TRIM44: variants seen among roughly 807,000 people sequenced by gnomAD.
TRIM44 encodes the protein tripartite motif-containing protein 44.
A neutral mutation model predicts 37.4 loss-of-function variants in TRIM44; 13 were observed. The ratio of observed to expected loss-of-function variants is 0.35; its 90% CI spans 0.23 to 0.55. The LOEUF (loss-of-function observed/expected upper bound fraction) is 0.55, where lower values mean the gene tolerates loss of function less well. Among genes scored for constraint, TRIM44 ranks in the 20% least tolerant of loss-of-function variants. The probability of loss-of-function intolerance (pLI) is 0.89; values close to 1 mark genes in which losing one functional copy is unlikely to be tolerated. For synonymous variants in TRIM44, 175 were observed against 157.2 expected (o/e 1.11, Z -0.85); for missense variants, 426 against 437.2 (o/e 0.97, Z 0.23).
intron 2 of TRIM44, among the ~76,000 whole-genome samples, chr11:35,691,474 T>C (rs2135494083): frequency 6.6e-6 from 1 of 152,320 alleles, no homozygotes; most frequent in South Asian, 2.1e-4. Context: ...GTTGAAAATA[T>C]TATGTCAAAA....
chr11:35,677,606 G>T (rs1455871590), intron 1 of TRIM44, among the ~76,000 whole-genome samples: 1 of 151,960 alleles, frequency 6.6e-6, no homozygotes. Context: ...ATTCTTTGAG[G>T]TATAGTATTT....
intron 4 of TRIM44, among the ~76,000 whole-genome samples, chr11:35,796,012 A>G (rs1374572258): frequency 2.0e-5 from 3 of 152,202 alleles, no homozygotes; most frequent in African/African-American, 2.4e-5. Flanking sequence ...AAGTACGAAC[A>G]CCGACCTCAA....
chr11:35,723,592 C>T (rs1852134765), intron 2 of TRIM44, among the ~76,000 whole-genome samples: 1 of 152,160 alleles, frequency 6.6e-6, no homozygotes, highest in Non-Finnish European at 1.5e-5. Context: ...ATGCTGAAAA[C>T]CCTATGTAAT....
At chr11:35,720,595 G>C (rs1307659966) in intron 2 of TRIM44, among the ~76,000 whole-genome samples, 1 of 152,130 alleles carries the variant, frequency 6.6e-6, no homozygotes, top group African/African-American at 2.4e-5. Context: ...AAGGTGAGAG[G>C]GGACATCCTT....
intron 4 of TRIM44, among the ~76,000 whole-genome samples, chr11:35,800,580 G>T (rs1298319110): frequency 6.6e-6 from 1 of 152,194 alleles, no homozygotes; most frequent in Non-Finnish European, 1.5e-5. Context: ...ACACAGAAAA[G>T]TTCTCCAACT....
In TRIM44 at chr11:35,663,340, G is replaced by A; in HGVS notation, c.229G>A (p.Gly77Arg). The part of the protein sequence containing the change: ...WTPPADGEGA[G>R]KEEAEVKVEQ... Reference sequence around the variant, plus strand: ...CCCGCCAGCTGACGGAGAGGGGGCGGGGAAGGAAGAAGCGGAGGTCAAGGT... The same window carrying A: ...CCCGCCAGCTGACGGAGAGGGGGCGAGGAAGGAAGAAGCGGAGGTCAAGGT... Residue 77 changes from glycine (G) to arginine (R), a missense_variant, in exon 1 of 5, where the codon GGG (glycine) becomes AGG (arginine). Coordinates refer to ENST00000299413, the MANE Select transcript of TRIM44 (RefSeq NM_017583.6). 6.2e-7 allele frequency: 1 copy of A among 1,614,034 alleles called. No homozygotes were observed. Among genetic ancestry groups the A allele is most frequent in the Non-Finnish European group, 8.5e-7 (1 of 1,180,000 alleles).
At chr11:35,725,782 A>G in intron 2 of TRIM44, 142 bp from the exon 3 acceptor site, 2 of 843,996 alleles carry the variant, frequency 2.4e-6, no homozygotes, top group East Asian at 2.7e-5. Flanking sequence ...TTAGGGGAAC[A>G]TTGTTTTTAG....
intron 4 of TRIM44, among the ~76,000 whole-genome samples, chr11:35,761,208 A>T (rs753199862): frequency 6.6e-6 from 1 of 152,126 alleles, no homozygotes. Flanking sequence ...TGGTTGCTTA[A>T]GTTGATTCCA....
intron 4 of TRIM44, among the ~76,000 whole-genome samples, chr11:35,741,653 A>G (rs1025337223): frequency 3.3e-5 from 5 of 152,340 alleles, no homozygotes; most frequent in African/African-American, 9.6e-5. Context: ...CATCCGGTAC[A>G]GTAGTTACGA....
At chr11:35,734,471 A>T (rs1034607850) in intron 3 of TRIM44, among the ~76,000 whole-genome samples, 4 of 152,214 alleles carry the variant, frequency 2.6e-5, no homozygotes, top group African/African-American at 9.6e-5. Context: ...TTGAGAGCTC[A>T]TTCTGCCTTA....
chr11:35,741,018 AAGTT>A (rs1317518638), intron 4 of TRIM44, among the ~76,000 whole-genome samples: 8 of 152,118 alleles, frequency 5.3e-5, no homozygotes, highest in African/African-American at 1.7e-4. Flanking sequence ...AAAGAGGACT[AAGTT>A]AGTGATACGC....
At chr11:35,733,598 G>A (rs775907832) in intron 3 of TRIM44, among the ~76,000 whole-genome samples, 20 of 151,972 alleles carry the variant, frequency 1.3e-4, no homozygotes, top group Non-Finnish European at 1.9e-4. Flanking sequence ...GATGATTAAC[G>A]CCCTTCCCAC....
rs538538853 is a variant in TRIM44, at chr11:35,699,055, C to T, written c.747+13719C>T. Reference sequence around the variant, plus strand: ...ATTAAATAGGGAATCCTTTCCCCATCTCTTGTTTTTGTCAGGTTTGTCAAA... The same window carrying T: ...ATTAAATAGGGAATCCTTTCCCCATTTCTTGTTTTTGTCAGGTTTGTCAAA... On this transcript the variant is annotated intron_variant, in intron 2 of 4. Coordinates refer to ENST00000299413, the MANE Select transcript of TRIM44 (RefSeq NM_017583.6). Among the ~76,000 whole-genome samples the T allele has an allele frequency of 1.8e-3, 273 of 147,570 alleles. 7 individuals are homozygous for T. Among genetic ancestry groups the T allele is most frequent in the African/African-American group, 6.6e-3 (262 of 39,898 alleles).
At chr11:35,754,682 G>C (rs1417352307) in intron 4 of TRIM44, among the ~76,000 whole-genome samples, 1 of 134,544 alleles carries the variant, frequency 7.4e-6, no homozygotes, top group African/African-American at 2.9e-5. Flanking sequence ...AGGCCCCGGT[G>C]TGTGATGGTC....
chr11:35,727,157 CAAA>C (rs56986873), intron 3 of TRIM44, among the ~76,000 whole-genome samples: 2 of 91,998 alleles, frequency 2.2e-5, no homozygotes. Flanking sequence ...GATCCTGTCT[CAAA>C]AAAAAAAAAA....
intron 4 of TRIM44, among the ~76,000 whole-genome samples, chr11:35,736,975 C>T (rs113788056): frequency 7.2e-5 from 11 of 152,068 alleles, no homozygotes; most frequent in Non-Finnish European, 2.9e-5. Flanking sequence ...CTTGTAGATC[C>T]TAAGTGTAGT....
intron 3 of TRIM44, among the ~76,000 whole-genome samples, chr11:35,728,891 A>G (rs1852218629): frequency 6.6e-6 from 1 of 152,150 alleles, no homozygotes; most frequent in Non-Finnish European, 1.5e-5. Context: ...GATCTATTTT[A>G]TTTTTGGCAT....
At chr11:35,786,323 G>C (rs1000606599) in intron 4 of TRIM44, among the ~76,000 whole-genome samples, 1 of 152,186 alleles carries the variant, frequency 6.6e-6, no homozygotes, top group Admixed American at 6.5e-5. Context: ...GCTTATCTCA[G>C]TTCCCAGTCC....
intron 2 of TRIM44, among the ~76,000 whole-genome samples, chr11:35,697,906 A>G (rs542455528): frequency 0.024 from 3,644 of 151,928 alleles, 101 homozygotes; most frequent in African/African-American, 0.066. Context: ...TAGTGCCGCA[A>G]TAAACATACG....
Sources: gnomAD v4.1 joint callset for allele counts (sites outside exome capture counted in the v4.1 genomes callset) on GRCh38, gnomAD v4.1.1 for gene constraint, MANE v1.5 for transcripts, NCBI Gene and HGNC (gene_info 2026-07-23, HGNC 2026-07-21) for gene names.